The following NTNG2 variants were observed in gnomAD, a reference collection of about 807,000 sequenced individuals.
NTNG2 encodes the protein netrin-G2.
NTNG2 carries 15 observed loss-of-function variants against 47.6 expected under a neutral mutation model. That is an observed-to-expected ratio of 0.32 (90% CI 0.21 to 0.49). The LOEUF (loss-of-function observed/expected upper bound fraction) is 0.49, where lower values mean the gene tolerates loss of function less well. NTNG2 is among the 20% of genes least tolerant of loss of function. NTNG2 has a pLI of 0.99. For synonymous variants in NTNG2, 307 were observed against 324.6 expected (o/e 0.95, Z 0.58); for missense variants, 578 against 764.6 (o/e 0.76, Z 2.88).
chr9:132,181,355 C>T (rs180673893), intron 2 of NTNG2, among the ~76,000 whole-genome samples: 119 of 147,708 alleles, frequency 8.1e-4, no homozygotes, highest in Admixed American at 1.7e-3. Context: ...GAGTCTTGCT[C>T]TGTCACCCAG....
At chr9:132,207,258 A>G (rs1206027448) in intron 3 of NTNG2, among the ~76,000 whole-genome samples, 1 of 152,258 alleles carries the variant, frequency 6.6e-6, no homozygotes, top group African/African-American at 2.4e-5. Flanking sequence ...TGGAGCCTCC[A>G]TAACTAAGTA....
chr9:132,237,593 C>T lies in NTNG2; in HGVS notation c.1055-1511C>T, dbSNP rs566403582. ...TTCCCCATCCGCCGCTGGAAAAAGACGGTGCAGGATAGAGGACCGATGCCT... is the reference window on the plus strand; with the variant it reads ...TTCCCCATCCGCCGCTGGAAAAAGATGGTGCAGGATAGAGGACCGATGCCT... On this transcript the variant is annotated intron_variant, in intron 5 of 7. Transcript: ENST00000393229. Among the ~76,000 whole-genome samples, 193 of 152,326 alleles carry T rather than the reference C, an allele frequency of 1.3e-3. 2 individuals carry two copies. Among genetic ancestry groups the T allele is most frequent in the Admixed American group, 5.9e-4 (9 of 15,308 alleles).
intron 2 of NTNG2, among the ~76,000 whole-genome samples, chr9:132,187,991 G>A (rs938200328): frequency 1.8e-4 from 28 of 152,236 alleles, no homozygotes; most frequent in African/African-American, 6.3e-4. Context: ...ATGGTGTTAG[G>A]GGCAGTCCCC....
intron 1 of NTNG2, among the ~76,000 whole-genome samples, chr9:132,165,761 C>T (rs563320370): frequency 2.3e-4 from 35 of 152,252 alleles, no homozygotes; most frequent in African/African-American, 8.4e-4. Context: ...ACCCCCAAGC[C>T]GGGGCACTTC....
chr9:132,166,818 C>A lies in NTNG2; in HGVS notation c.-14C>A. On this transcript the variant is annotated 5_prime_UTR_variant, in exon 2 of 8. Coordinates refer to ENST00000393229, the MANE Select transcript of NTNG2 (RefSeq NM_032536.4). ...AGGGCTTCTCTGGGCCGCGCCTCTG[C>A]AGACTGCGCAGCCATGCTGCATCTG... 1 of 1,612,838 alleles carries A rather than the reference C, an allele frequency of 6.2e-7. No homozygotes were observed. Among genetic ancestry groups the A allele is most frequent in the Non-Finnish European group, 8.5e-7 (1 of 1,179,492 alleles).
At chr9:132,219,585 A>AAG (rs1554791338) in intron 3 of NTNG2, among the ~76,000 whole-genome samples, 15 of 146,730 alleles carry the variant, frequency 1.0e-4, no homozygotes, top group Non-Finnish European at 1.8e-4. Flanking sequence ...AAAAAAAAAA[A>AAG]AAAGAAAGAA....
rs1447716006 is a variant in NTNG2 at position 132,175,511 on chromosome 9, CTGATG to C, written c.213+8468_213+8472del. Among the ~76,000 whole-genome samples, 26 of 152,338 alleles carry C rather than the reference CTGATG, an allele frequency of 1.7e-4. No homozygotes were observed. The East Asian group carries it at 4.4e-3, about 26-fold the overall frequency. The stretch of plus-strand genomic sequence containing the variant: ...CTGGCCAGAGTCCCTGTGGCCAGCA[CTGATG>C]CAGGGCTCCTTCCTAGAGGGGCCGG... On this transcript the variant is annotated intron_variant, in intron 2 of 7. Coordinates refer to ENST00000393229, the MANE Select transcript of NTNG2 (RefSeq NM_032536.4).
In NTNG2 at chr9:132,166,964, C is replaced by T. The variant is rs372550149; in HGVS notation, c.133C>T (p.Arg45Cys). ...EFYACQPKVM[R>C]LKDYVKVKVE... ...CTACGCCTGCCAGCCCAAGGTGATG[C>T]GCCTGAAGGACTACGTCAAGGTGAA... Residue 45 changes from arginine (R) to cysteine (C), a missense_variant, in exon 2 of 8, where the codon CGC (arginine) becomes TGC (cysteine). Physicochemically the swap from Arg to Cys is radical, Grantham distance 180. Transcript: ENST00000393229. The T allele has an allele frequency of 3.1e-6, 5 of 1,614,206 alleles. No individual in the cohort carries two copies. Among genetic ancestry groups the T allele is most frequent in the South Asian group, 1.1e-5 (1 of 91,086 alleles).
rs1455184280 is a variant in NTNG2 at position 132,242,194 on chromosome 9, G to A, written c.*83G>A. On this transcript the variant is annotated 3_prime_UTR_variant, in exon 8 of 8. Coordinates refer to ENST00000393229, the MANE Select transcript of NTNG2 (RefSeq NM_032536.4). This position sits in a 1 kb window ranked among gnomAD's most constrained non-coding sequence, Gnocchi z 5.9. ...CGGGGCCGGCGTCCGAGGCCGGGCG[G>A]TGAGAAGGGTGCGGCCCGAGGTGCT... 4 of 606,942 alleles carry A rather than the reference G, an allele frequency of 6.6e-6. No homozygotes were observed. 37.6% of individuals were successfully genotyped at this position (606,942 alleles called of 1,614,324 possible). A position where few individuals can be genotyped will look rare whatever the true frequency, so the allele number is the denominator to read the frequency against.
At chr9:132,210,308 G>A (rs6597556) in intron 3 of NTNG2, among the ~76,000 whole-genome samples, 92,361 of 151,992 alleles carry the variant, frequency 0.61, 30,548 homozygotes, top group African/African-American at 0.89. Context: ...TCAAGTCCCA[G>A]TACTCAGGAG....
rs900745269 is a variant in NTNG2, at chr9:132,186,404, C to A, written c.214-11562C>A. On this transcript the variant is annotated intron_variant, in intron 2 of 7. Coordinates refer to ENST00000393229, the MANE Select transcript of NTNG2 (RefSeq NM_032536.4). ...TGTGTCCTTTAAGAAAACAATAATA[C>A]ATTTTTAAGTTCCTGGAGAGATTAA... Among the ~76,000 whole-genome samples the A allele has an allele frequency of 2.0e-5, 3 of 152,298 alleles. No homozygotes were observed. In the South Asian group the frequency reaches 6.2e-4, roughly 32 times the overall value.
chr9:132,178,139 A>G (rs1397693526), intron 2 of NTNG2, among the ~76,000 whole-genome samples: 1 of 152,220 alleles, frequency 6.6e-6, no homozygotes, highest in Non-Finnish European at 1.5e-5. Context: ...TTTGATGACT[A>G]GGCCACAGTG....
At position 132,215,437 on chromosome 9, in the gene NTNG2, G is replaced by A. The variant is rs946189016; in HGVS notation, c.858-11412G>A. ...CTCTACTAAAATACTAAAATTAGCC[G>A]GGTGTGGTGGCGGGCGCCTGTAATC... On this transcript the variant is annotated intron_variant, in intron 3 of 7. Coordinates refer to ENST00000393229, the MANE Select transcript of NTNG2 (RefSeq NM_032536.4). The surrounding 1 kb of genome is among the most constrained non-coding windows in gnomAD (Gnocchi z 4.2). 3.3e-5 allele frequency among the ~76,000 whole-genome samples: 5 copies of A among 152,032 alleles called. No homozygotes were observed. Among genetic ancestry groups the A allele is most frequent in the East Asian group, 1.9e-4 (1 of 5,178 alleles).
intron 2 of NTNG2, among the ~76,000 whole-genome samples, chr9:132,178,103 C>T (rs984361630): frequency 6.6e-6 from 1 of 152,192 alleles, no homozygotes; most frequent in African/African-American, 2.4e-5. Flanking sequence ...TGAGTGAAGT[C>T]AAGGCTCAAA....
intron 2 of NTNG2, among the ~76,000 whole-genome samples, chr9:132,195,890 C>T (rs1838274907): frequency 1.3e-5 from 2 of 152,106 alleles, no homozygotes; most frequent in South Asian, 4.2e-4. Context: ...CTTCTGCCCC[C>T]CGAGTAGCTG....
chr9:132,175,778 G>GC (rs1836392455), intron 2 of NTNG2, among the ~76,000 whole-genome samples: 1 of 152,086 alleles, frequency 6.6e-6, no homozygotes, highest in African/African-American at 2.4e-5. Context: ...GCGAGAATAC[G>GC]CCCCCAGCCT....
intron 2 of NTNG2, among the ~76,000 whole-genome samples, chr9:132,175,415 G>A (rs974166478): frequency 2.0e-5 from 3 of 152,216 alleles, no homozygotes; most frequent in Non-Finnish European, 4.4e-5. Context: ...GCCCTGTGCC[G>A]TGGGGCTGGT....
At position 132,198,378 on chromosome 9, in the gene NTNG2, A is replaced by G. The variant is rs1838479303; in HGVS notation, c.626A>G (p.Lys209Arg). 3.1e-6 allele frequency: 5 copies of G among 1,612,896 alleles called. No homozygotes were observed. Among genetic ancestry groups the G allele is most frequent in the Non-Finnish European group, 4.2e-6 (5 of 1,179,958 alleles). Reference sequence around the variant, plus strand: ...CGCTGGGCAGGCTCCAAGAAGGAGAAGCACGTGCGCTTCGAGGTGCGGGAC... The same window carrying G: ...CGCTGGGCAGGCTCCAAGAAGGAGAGGCACGTGCGCTTCGAGGTGCGGGAC... ...YSRWAGSKKE[K>R]HVRFEVRDRF... Residue 209 changes from lysine (K) to arginine (R), a missense_variant, in exon 3 of 8, where the codon AAG (lysine) becomes AGG (arginine). Coordinates refer to ENST00000393229, the MANE Select transcript of NTNG2 (RefSeq NM_032536.4).
chr9:132,221,084 T>A lies in NTNG2; in HGVS notation c.858-5765T>A, dbSNP rs1320768378. 6.6e-6 allele frequency among the ~76,000 whole-genome samples: 1 copy of A among 152,166 alleles called. No individual in the cohort carries two copies. The highest frequency in any genetic ancestry group is 2.4e-5 in the African/African-American group (1 of 41,430). Reference sequence around the variant, plus strand: ...TACATCCCACTTTGGGAGCCAGTGCTGATCATGATGAGTTTTATGGGGAGG... The same window carrying A: ...TACATCCCACTTTGGGAGCCAGTGCAGATCATGATGAGTTTTATGGGGAGG... On this transcript the variant is annotated intron_variant, in intron 3 of 7. Transcript: ENST00000393229. The surrounding 1 kb of genome is among the most constrained non-coding windows in gnomAD (Gnocchi z 4.2).
Sources: gnomAD v4.1 joint callset for allele counts (sites outside exome capture counted in the v4.1 genomes callset) on GRCh38, gnomAD v4.1.1 for gene constraint, Gnocchi (gnomAD v3.1) non-coding constraint, MANE v1.5 for transcripts, NCBI Gene and HGNC (gene_info 2026-07-23, HGNC 2026-07-21) for gene names.